The following PDE4DIP variants were observed in gnomAD, a reference collection of about 807,000 sequenced individuals.
PDE4DIP encodes myomegalin.
In PDE4DIP, 59 loss-of-function variants were observed where a neutral mutation model predicts 221.4. That is an observed-to-expected ratio of 0.27 (90% CI 0.22 to 0.33). The LOEUF (loss-of-function observed/expected upper bound fraction) is 0.33, where lower values mean the gene tolerates loss of function less well. PDE4DIP is among the 10% of genes least tolerant of loss of function. The probability of loss-of-function intolerance (pLI) is 1.00; values close to 1 mark genes in which losing one functional copy is unlikely to be tolerated. For missense variants in PDE4DIP, 1,036 were observed against 2,154.2 expected (o/e 0.48, Z 10.28); for synonymous variants, 404 against 815.9 (o/e 0.50, Z 8.60).
At chr1:149,017,980 C>T (rs2071271774) in intron 34 of PDE4DIP, 101 bp downstream of exon 37, 1 of 1,162,386 alleles carries the variant, frequency 8.6e-7, no homozygotes, top group Admixed American at 2.1e-5. Flanking sequence ...ATGAACAGTC[C>T]AGCAAGGGAG....
intron 22 of PDE4DIP, 47 bp from the exon 26 acceptor site, chr1:148,998,096 G>A (rs782226918): frequency 2.5e-6 from 2 of 810,798 alleles, no homozygotes; most frequent in Non-Finnish European, 4.0e-6. Flanking sequence ...GTTTCTCTTG[G>A]GTCCTCTTTA....
chr1:149,001,587 G>T lies in PDE4DIP; in HGVS notation c.3138-4G>T, dbSNP rs1474739876. The T allele has an allele frequency of 2.6e-6, 4 of 1,516,652 alleles. No individual in the cohort carries two copies. Among genetic ancestry groups the T allele is most frequent in the Non-Finnish European group, 3.6e-6 (4 of 1,115,842 alleles). The allele number at this position is 1,516,652 out of a possible 1,614,324, so 93.9% of individuals were successfully genotyped here. A position where few individuals can be genotyped will look rare whatever the true frequency, so the allele number is the denominator to read the frequency against. On this transcript the variant is annotated splice_polypyrimidine_tract_variant and splice_region_variant and intron_variant, in intron 23 of 43. Transcript: ENST00000369354. The stretch of plus-strand genomic sequence containing the variant: ...TAGCCCTCAATTAAGTGTGTTTCCT[G>T]CAGGAACACCATGCTGAGCCTTTGC...
intron 36 of PDE4DIP, chr1:149,020,692 T>C (rs1177825208): frequency 8.1e-6 from 3 of 368,494 alleles, no homozygotes; most frequent in Admixed American, 4.2e-5. Flanking sequence ...CTGTGATGCT[T>C]GGTCCCAGCA....
intron 17 of PDE4DIP, among the ~76,000 whole-genome samples, chr1:148,976,048 T>C (rs1169535342): frequency 6.6e-6 from 1 of 151,222 alleles, no homozygotes; most frequent in Non-Finnish European, 1.5e-5. Flanking sequence ...CCCCCTTCCT[T>C]TTTGTGGTTC....
chr1:149,028,620 C>T (rs1277436037), exon 41 of PDE4DIP: 46 of 1,606,194 alleles, frequency 2.9e-5, no homozygotes, highest in Non-Finnish European at 3.9e-5. Flanking sequence ...GCACCATGCC[C>T]TAGAGGAGTC....
In PDE4DIP at chr1:148,865,044, A is replaced by G. The variant is rs1685987315; in HGVS notation, c.289+1739A>G. 4.4e-5 allele frequency among the ~76,000 whole-genome samples: 6 copies of G among 137,302 alleles called. 2 individuals carry two copies. Among genetic ancestry groups the G allele is most frequent in the Admixed American group, 4.1e-4 (6 of 14,464 alleles). 90.1% of individuals were successfully genotyped at this position (137,302 alleles called of 152,430 possible). A position where few individuals can be genotyped will look rare whatever the true frequency, so the allele number is the denominator to read the frequency against. On this transcript the variant is annotated intron_variant, in intron 2 of 45. Coordinates refer to the PDE4DIP transcript ENST00000524974. ...TTATCTTCCCCTTAGTAGTATATTT[A>G]TTTTCACCTAAATGTGGAAGAAATC...
intron 5 of PDE4DIP, among the ~76,000 whole-genome samples, chr1:148,955,545 G>A (rs587687656): frequency 3.3e-5 from 5 of 152,148 alleles, no homozygotes; most frequent in Admixed American, 3.3e-4. Flanking sequence ...CGTAGCCCAT[G>A]CAGAGACAAA....
intron 5 of PDE4DIP, chr1:148,952,075 T>C: frequency 1.0e-6 from 1 of 952,510 alleles, no homozygotes; most frequent in Non-Finnish European, 1.2e-6. Flanking sequence ...AGGGGATTCG[T>C]CTTTCTCCTC....
chr1:148,979,965 GA>G, intron 20 of PDE4DIP, 116 bp downstream of exon 23: 1 of 1,323,898 alleles, frequency 7.6e-7, no homozygotes, highest in South Asian at 1.3e-5. Context: ...CTGAAGAGGG[GA>G]GAAAAAAGAG....
At chr1:148,820,515 C>A (rs1553359541) in intron 1 of PDE4DIP, among the ~76,000 whole-genome samples, 3 of 138,284 alleles carry the variant, frequency 2.2e-5, no homozygotes, top group Non-Finnish European at 3.1e-5. Context: ...TTGCAGTGAG[C>A]CAGATCGCGC....
chr1:148,959,480 G>A (rs1411114143), intron 5 of PDE4DIP, among the ~76,000 whole-genome samples: 1 of 151,864 alleles, frequency 6.6e-6, no homozygotes, highest in Non-Finnish European at 1.5e-5. Flanking sequence ...AAAGTGTGAG[G>A]GAAACAAAAA....
At chr1:148,965,100 A>G (rs1300648269) in intron 9 of PDE4DIP, among the ~76,000 whole-genome samples, 1 of 152,198 alleles carries the variant, frequency 6.6e-6, no homozygotes, top group African/African-American at 2.4e-5. Flanking sequence ...AAAAATAAAT[A>G]TGGCAAACTA....
chr1:148,824,343 C>T (rs1670117437), intron 1 of PDE4DIP, among the ~76,000 whole-genome samples: 2 of 150,518 alleles, frequency 1.3e-5, no homozygotes, highest in South Asian at 4.2e-4. Flanking sequence ...TAGCTTAGTT[C>T]CCACAGCACA....
chr1:148,914,518 T>G (rs2149950753), intron 1 of PDE4DIP, among the ~76,000 whole-genome samples: 1 of 150,274 alleles, frequency 6.7e-6, no homozygotes, highest in African/African-American at 2.4e-5. Context: ...TCCCAGCTAC[T>G]CAGGAGGCTG....
chr1:149,022,614 A>G (rs1299883882), intron 37 of PDE4DIP, among the ~76,000 whole-genome samples: 1 of 152,170 alleles, frequency 6.6e-6, no homozygotes, highest in African/African-American at 2.4e-5. Flanking sequence ...GTGTTGGGTC[A>G]GTGGGACCAG....
intron 1 of PDE4DIP, among the ~76,000 whole-genome samples, chr1:148,830,493 T>C (rs1671718714): frequency 1.1e-5 from 1 of 91,744 alleles, no homozygotes; most frequent in Non-Finnish European, 2.4e-5. Flanking sequence ...TAGTTACATA[T>C]GTATACATGT....
Position 149,004,039 on chromosome 1 carries a change from A to T in PDE4DIP, c.3886+309A>T, listed in dbSNP as rs587603434. On this transcript the variant is annotated intron_variant, in intron 26 of 43. Coordinates refer to ENST00000369354, the Ensembl canonical transcript of PDE4DIP. ...TAAATTAAAAATAATTTTGTTTTGC[A>T]TTATAAAAAGACTACAACTATAGGG... 6.6e-5 allele frequency among the ~76,000 whole-genome samples: 10 copies of T among 152,034 alleles called. No individual in the cohort carries two copies. In the East Asian group the frequency reaches 1.7e-3, roughly 26 times the overall value.
intron 37 of PDE4DIP, among the ~76,000 whole-genome samples, chr1:149,023,946 GAGAA>G (rs1279819030): frequency 2.7e-5 from 4 of 146,494 alleles, no homozygotes; most frequent in African/African-American, 1.0e-4. Context: ...GAGAGAGAGA[GAGAA>G]AGAGAGAGAG....
intron 1 of PDE4DIP, among the ~76,000 whole-genome samples, chr1:148,927,281 T>A (rs1296018021): frequency 2.0e-5 from 3 of 152,046 alleles, no homozygotes; most frequent in Non-Finnish European, 4.4e-5. Flanking sequence ...TCTGAATCTA[T>A]GTTCTAACCT....
Sources: gnomAD v4.1 joint callset for allele counts (sites outside exome capture counted in the v4.1 genomes callset) on GRCh38, gnomAD v4.1.1 for gene constraint, MANE v1.5 for transcripts, NCBI Gene and HGNC (gene_info 2026-07-23, HGNC 2026-07-21) for gene names.